Variants in MARCHF1 observed in about 807,000 individuals in gnomAD.
MARCHF1 encodes membrane associated ring-CH-type finger 1.
A neutral mutation model predicts 54.2 loss-of-function variants in MARCHF1; 40 were observed. The ratio of observed to expected loss-of-function variants is 0.74; its 90% CI spans 0.57 to 0.96. The LOEUF (loss-of-function observed/expected upper bound fraction) is 0.96. Ranked by LOEUF, MARCHF1 falls within the 40% of genes least tolerant of loss-of-function variation. The probability of loss-of-function intolerance (pLI) is 0.00; values close to 1 mark genes in which losing one functional copy is unlikely to be tolerated. For missense variants in MARCHF1, 586 were observed against 656.5 expected (o/e 0.89, Z 1.17); for synonymous variants, 236 against 236.3 (o/e 1.00, Z 0.01).
At chr4:163,833,455 T>G (rs1041638551) in intron 4 of MARCHF1, among the ~76,000 whole-genome samples, 7 of 151,872 alleles carry the variant, frequency 4.6e-5, no homozygotes, top group African/African-American at 1.7e-4. Context: ...AGAAAATTTT[T>G]GCAACCTACT....
chr4:163,985,802 T>C (rs1231887030), intron 3 of MARCHF1, among the ~76,000 whole-genome samples: 1 of 152,198 alleles, frequency 6.6e-6, no homozygotes, highest in Non-Finnish European at 1.5e-5. Context: ...TAGGCATGCT[T>C]TGGATAACTT....
chr4:163,622,633 G>A (rs1741730015), intron 5 of MARCHF1, among the ~76,000 whole-genome samples: 4 of 152,036 alleles, frequency 2.6e-5, no homozygotes, highest in African/African-American at 7.2e-5. Flanking sequence ...ACCGTGGGCT[G>A]ATTAAAATAT....
chr4:163,888,319 G>A (rs1290557789), intron 3 of MARCHF1, among the ~76,000 whole-genome samples: 1 of 152,118 alleles, frequency 6.6e-6, no homozygotes, highest in Non-Finnish European at 1.5e-5. Context: ...ACAGGCACAG[G>A]GTAGAGAGGG....
chr4:163,757,829 G>A (rs930668434), intron 4 of MARCHF1, among the ~76,000 whole-genome samples: 4 of 152,180 alleles, frequency 2.6e-5, no homozygotes, highest in African/African-American at 9.7e-5. Context: ...GAATGGTTGA[G>A]TTACGCTAAG....
intron 2 of MARCHF1, among the ~76,000 whole-genome samples, chr4:164,031,042 C>G (rs1753866197): frequency 6.6e-6 from 1 of 152,132 alleles, no homozygotes; most frequent in Non-Finnish European, 1.5e-5. Flanking sequence ...TTCCTCTTTT[C>G]CTATCAGAAT....
chr4:164,162,127 T>A (rs971514016), intron 1 of MARCHF1, among the ~76,000 whole-genome samples: 7 of 152,078 alleles, frequency 4.6e-5, no homozygotes, highest in Admixed American at 2.6e-4. Flanking sequence ...AAAAGAAACA[T>A]GTTTTGTATG....
chr4:164,371,724 A>G (rs1731042108), intron 1 of MARCHF1, among the ~76,000 whole-genome samples: 2 of 152,226 alleles, frequency 1.3e-5, no homozygotes, highest in African/African-American at 4.8e-5. Flanking sequence ...AATACGTTAT[A>G]CATTGCTGAC....
intron 4 of MARCHF1, among the ~76,000 whole-genome samples, chr4:163,722,890 C>T (rs75628887): frequency 4.5e-4 from 68 of 152,290 alleles, no homozygotes; most frequent in African/African-American, 1.6e-3. Context: ...GATCTTCCTC[C>T]ATCCCTATAT....
chr4:164,235,309 T>C (rs1732517987), intron 1 of MARCHF1, among the ~76,000 whole-genome samples: 2 of 152,102 alleles, frequency 1.3e-5, no homozygotes, highest in Admixed American at 1.3e-4. Context: ...TACTTATTCT[T>C]TAGAATATTA....
chr4:163,646,808 T>C (rs1214746921), intron 5 of MARCHF1, among the ~76,000 whole-genome samples: 1 of 152,024 alleles, frequency 6.6e-6, no homozygotes, highest in Non-Finnish European at 1.5e-5. Flanking sequence ...TGCAAAAAAT[T>C]ATTGTAGCAC....
At chr4:164,368,631 A>T (rs939744553) in intron 1 of MARCHF1, among the ~76,000 whole-genome samples, 1 of 152,202 alleles carries the variant, frequency 6.6e-6, no homozygotes, top group Non-Finnish European at 1.5e-5. Context: ...ATTCAGCAAT[A>T]TGTGCACATA....
chr4:163,649,763 T>C (rs1380649211), intron 5 of MARCHF1, among the ~76,000 whole-genome samples: 1 of 151,316 alleles, frequency 6.6e-6, no homozygotes, highest in Admixed American at 6.6e-5. Context: ...TCATGCCTGG[T>C]TCTGTCATTG....
At chr4:163,618,093 G>A (rs1741571601) in intron 5 of MARCHF1, among the ~76,000 whole-genome samples, 2 of 152,146 alleles carry the variant, frequency 1.3e-5, no homozygotes, top group Admixed American at 1.3e-4. Context: ...ATTTTGAAGG[G>A]AATGGAAAAC....
intron 1 of MARCHF1, among the ~76,000 whole-genome samples, chr4:164,340,405 T>TTATATACATATATATATATATATATA (rs58808830): frequency 1.6e-4 from 15 of 95,644 alleles, no homozygotes; most frequent in African/African-American, 5.0e-4. Flanking sequence ...AGGCCTTGAT[T>TTATATACATATATATATATATATATA]TATATATAGA....
In MARCHF1 at chr4:163,733,224, CGT is replaced by C. The variant is rs1294324076; in HGVS notation, c.112-32363_112-32362del. ...ATATATATATATATATATATATACACGTGTATATATATATATACACGTGTATA... is the reference window on the plus strand; with the variant it reads ...ATATATATATATATATATATATACACGTATATATATATATACACGTGTATA... On this transcript the variant is annotated intron_variant, in intron 4 of 9. Coordinates refer to ENST00000514618, the MANE Select transcript of MARCHF1 (RefSeq NM_001394959.1). Among the ~76,000 whole-genome samples the C allele has an allele frequency of 7.8e-4, 9 of 11,514 alleles. 1 individual carries two copies. Among genetic ancestry groups the C allele is most frequent in the African/African-American group, 1.8e-3 (9 of 4,944 alleles). 7.6% of individuals were successfully genotyped at this position (11,514 alleles called of 152,430 possible). A position where few individuals can be genotyped will look rare whatever the true frequency, so the allele number is the denominator to read the frequency against.
intron 9 of MARCHF1, among the ~76,000 whole-genome samples, chr4:163,544,871 C>G (rs1253653801): frequency 6.6e-6 from 1 of 152,108 alleles, no homozygotes; most frequent in African/African-American, 2.4e-5. Flanking sequence ...GGGGATGTTT[C>G]TCACTGTTTT....
At chr4:164,163,201 G>A (rs529901365) in intron 1 of MARCHF1, among the ~76,000 whole-genome samples, 30 of 151,746 alleles carry the variant, frequency 2.0e-4, no homozygotes, top group African/African-American at 7.2e-4. Context: ...CAAGCAAAAT[G>A]TTATATATTT....
At chr4:164,232,692 CAT>C (rs1327499420) in intron 1 of MARCHF1, among the ~76,000 whole-genome samples, 3 of 152,072 alleles carry the variant, frequency 2.0e-5, no homozygotes, top group Admixed American at 2.0e-4. Context: ...TGTATGGTAT[CAT>C]ATCAAAAATG....
At chr4:163,785,799 A>T (rs1301806980) in intron 4 of MARCHF1, among the ~76,000 whole-genome samples, 1 of 152,050 alleles carries the variant, frequency 6.6e-6, no homozygotes, top group African/African-American at 2.4e-5. Context: ...CAAATTCCCA[A>T]CACTTGTGAA....
Sources: allele counts gnomAD v4.1 joint callset (sites outside exome capture counted in the v4.1 genomes callset), GRCh38; gene constraint gnomAD v4.1.1; transcripts MANE v1.5; gene names NCBI Gene and HGNC (gene_info 2026-07-23, HGNC 2026-07-21).